Variants in DIRAS2 observed in about 807,000 individuals in gnomAD.
DIRAS2 encodes the protein GTP-binding protein Di-Ras2.
DIRAS2 carries 5 observed loss-of-function variants against 13.9 expected under a neutral mutation model. The observed-to-expected ratio is 0.36, with a 90% CI of 0.19 to 0.76. The LOEUF (loss-of-function observed/expected upper bound fraction) is 0.76. Among genes scored for constraint, DIRAS2 ranks in the 30% least tolerant of loss-of-function variants. The pLI is 0.53. For synonymous variants in DIRAS2, 111 were observed against 105.4 expected (o/e 1.05, Z -0.33); for missense variants, 191 against 263.0 (o/e 0.73, Z 1.89).
chr9:90,635,515 T>TC lies in DIRAS2; in HGVS notation c.-37+7236dup, dbSNP rs1825362095. ...ATGTTTTCTGACACATCAGAAATGC[T>TC]CTACATGCTTCATGTAAGGTCCACA... On this transcript the variant is annotated intron_variant, in intron 1 of 1. Coordinates refer to ENST00000375765, the MANE Select transcript of DIRAS2 (RefSeq NM_017594.5). Among the ~76,000 whole-genome samples, 3 of 152,230 alleles carry TC rather than the reference T, an allele frequency of 2.0e-5. No individual in the cohort carries two copies. In the South Asian group the frequency reaches 6.2e-4, roughly 32 times the overall value.
intron 1 of DIRAS2, among the ~76,000 whole-genome samples, chr9:90,624,135 G>A (rs1338306350): frequency 6.6e-6 from 1 of 152,144 alleles, no homozygotes; most frequent in Non-Finnish European, 1.5e-5. Flanking sequence ...TGGTACATGG[G>A]AGCCCTTTAA....
At chr9:90,629,204 G>A (rs1825301520) in intron 1 of DIRAS2, among the ~76,000 whole-genome samples, 1 of 152,142 alleles carries the variant, frequency 6.6e-6, no homozygotes, top group Non-Finnish European at 1.5e-5. Context: ...TTAAAATGTG[G>A]TTACTACAAA....
intron 1 of DIRAS2, among the ~76,000 whole-genome samples, chr9:90,615,742 G>C (rs1825163276): frequency 6.6e-6 from 1 of 152,174 alleles, no homozygotes; most frequent in Non-Finnish European, 1.5e-5. Flanking sequence ...ATGTCAGCTA[G>C]GGTCTCTCTC....
At chr9:90,624,201 T>C (rs1030835109) in intron 1 of DIRAS2, among the ~76,000 whole-genome samples, 2 of 152,208 alleles carry the variant, frequency 1.3e-5, no homozygotes, top group African/African-American at 4.8e-5. Context: ...ATCAACAAAA[T>C]GTAAATTCTT....
At chr9:90,632,238 G>A (rs910808055) in intron 1 of DIRAS2, among the ~76,000 whole-genome samples, 1 of 152,116 alleles carries the variant, frequency 6.6e-6, no homozygotes, top group Non-Finnish European at 1.5e-5. Context: ...TAACAGCTAA[G>A]GGGCTCTGCT....
Position 90,613,976 on chromosome 9 carries a change from A to G in DIRAS2, c.-36-113T>C, listed in dbSNP as rs1825141987. On this transcript the variant is annotated intron_variant, in intron 1 of 1. Coordinates refer to ENST00000375765, the MANE Select transcript of DIRAS2 (RefSeq NM_017594.5). The surrounding 1 kb of genome is among the most constrained non-coding windows in gnomAD (Gnocchi z 5.6). ...AAAAATGGGAGGTGATAACATTTAA[A>G]ATAGCGACAATTCTAAATCCAATAA... 1 of 1,062,366 alleles carries G rather than the reference A, an allele frequency of 9.4e-7. No homozygotes were observed. The highest frequency in any genetic ancestry group is 1.3e-6 in the Non-Finnish European group (1 of 758,010). 65.8% of individuals were successfully genotyped at this position (1,062,366 alleles called of 1,614,324 possible).
At chr9:90,639,222 G>A (rs1224769193) in intron 1 of DIRAS2, among the ~76,000 whole-genome samples, 1 of 151,964 alleles carries the variant, frequency 6.6e-6, no homozygotes, top group Admixed American at 6.6e-5. Context: ...AGGTGTTCAG[G>A]GATTAGATAA....
In DIRAS2 at chr9:90,616,699, C is replaced by T. The variant is rs865825762; in HGVS notation, c.-36-2836G>A. ...TGGCAGTGAGCTGAGATCATGCCAC[C>T]GCACTCCAGCCTGGGTGACAGAGCA... is the stretch of plus-strand genomic sequence containing the variant. On this transcript the variant is annotated intron_variant, in intron 1 of 1. Transcript: ENST00000375765. Among the ~76,000 whole-genome samples the T allele has an allele frequency of 2.2e-4, 31 of 142,096 alleles. 1 individual carries two copies. In the South Asian group the frequency reaches 5.3e-3, roughly 24 times the overall value. 93.2% of individuals were successfully genotyped at this position (142,096 alleles called of 152,430 possible). A position where few individuals can be genotyped will look rare whatever the true frequency, so the allele number is the denominator to read the frequency against.
intron 1 of DIRAS2, among the ~76,000 whole-genome samples, chr9:90,630,070 C>T (rs372688033): frequency 3.3e-5 from 5 of 152,276 alleles, no homozygotes; most frequent in African/African-American, 1.2e-4. Context: ...TACCTCTGTT[C>T]TTTTTCTCTC....
intron 1 of DIRAS2, among the ~76,000 whole-genome samples, chr9:90,634,970 C>T (rs1267585874): frequency 6.6e-6 from 1 of 152,234 alleles, no homozygotes; most frequent in Non-Finnish European, 1.5e-5. Context: ...TCCAGAGGTT[C>T]TAGGCAAGTT....
intron 1 of DIRAS2, among the ~76,000 whole-genome samples, chr9:90,637,693 C>G (rs1269018392): frequency 2.6e-5 from 4 of 152,156 alleles, no homozygotes; most frequent in Non-Finnish European, 5.9e-5. Context: ...ATCTTTGAAA[C>G]CGGTGTGTTC....
intron 1 of DIRAS2, among the ~76,000 whole-genome samples, chr9:90,614,412 T>C (rs1384012400): frequency 1.3e-5 from 2 of 151,940 alleles, no homozygotes; most frequent in Non-Finnish European, 2.9e-5. Flanking sequence ...ATTTATTCAG[T>C]GTTTATATTA....
rs185278380 is a variant in DIRAS2, at chr9:90,628,995, C to G, written c.-37+13757G>C. ...TCAGCCTCCTGAGTAGCTGGGACTA[C>G]GGGCGCCCGCCACCACGCCCGGCTA... On this transcript the variant is annotated intron_variant, in intron 1 of 1. Coordinates refer to ENST00000375765, the MANE Select transcript of DIRAS2 (RefSeq NM_017594.5). Among the ~76,000 whole-genome samples, 1,434 of 152,178 alleles carry G rather than the reference C, an allele frequency of 9.4e-3. 25 individuals carry two copies. The highest frequency in any genetic ancestry group is 0.033 in the African/African-American group (1,379 of 41,516).
chr9:90,639,597 G>A (rs916494326), intron 1 of DIRAS2, among the ~76,000 whole-genome samples: 3 of 152,198 alleles, frequency 2.0e-5, no homozygotes, highest in African/African-American at 7.2e-5. Flanking sequence ...AGTACTTCTT[G>A]GGATAGAAGT....
At position 90,613,549 on chromosome 9, in the gene DIRAS2, G is replaced by C. The variant is rs749966714; in HGVS notation, c.279C>G (p.Ser93=). ...CGTAGATGGGCTTGAGCTCCTCCAA[G>C]GACTGTCGGCTGGTAATGGAGTACA... The part of the protein sequence containing the change: ...ILVYSITSRQ[S]LEELKPIYEQ... The change falls in exon 2 of 2, where the codon TCC becomes TCG. Residue 93 remains serine (S), a synonymous_variant. Transcript: ENST00000375765. This position sits in a 1 kb window ranked among gnomAD's most constrained non-coding sequence, Gnocchi z 5.6. The C allele has an allele frequency of 6.2e-7, 1 of 1,614,128 alleles. No homozygotes were observed.
At chr9:90,614,306 A>ATGTGTGTGTGTGTGTGTG (rs34548591) in intron 1 of DIRAS2, among the ~76,000 whole-genome samples, 3 of 134,796 alleles carry the variant, frequency 2.2e-5, no homozygotes, top group East Asian at 2.2e-4. Flanking sequence ...GGTCATCATA[A>ATGTGTGTGTGTGTGTGTG]TGTGTGTGTG....
chr9:90,616,152 G>A (rs1383047017), intron 1 of DIRAS2, among the ~76,000 whole-genome samples: 1 of 152,208 alleles, frequency 6.6e-6, no homozygotes, highest in Non-Finnish European at 1.5e-5. Flanking sequence ...TGAATATGTG[G>A]TCAGCTATGT....
At chr9:90,638,626 T>C (rs1825391787) in intron 1 of DIRAS2, among the ~76,000 whole-genome samples, 1 of 147,206 alleles carries the variant, frequency 6.8e-6, no homozygotes, top group African/African-American at 2.6e-5. Flanking sequence ...AATGAAATAC[T>C]CCATTGATCA....
chr9:90,620,936 A>T (rs903137044), intron 1 of DIRAS2, among the ~76,000 whole-genome samples: 2 of 152,230 alleles, frequency 1.3e-5, no homozygotes, highest in African/African-American at 4.8e-5. Context: ...TTCATTTAAA[A>T]TTATCATGAA....
Sources: allele counts gnomAD v4.1 joint callset (sites outside exome capture counted in the v4.1 genomes callset), GRCh38; gene constraint gnomAD v4.1.1; non-coding constraint Gnocchi (gnomAD v3.1); transcripts MANE v1.5; gene names NCBI Gene and HGNC (gene_info 2026-07-23, HGNC 2026-07-21).